Variants in ZSCAN1 observed in about 807,000 individuals in gnomAD.
ZSCAN1 encodes the protein zinc finger and SCAN domain containing 1, also known as zinc finger and SCAN domain-containing protein 1.
In ZSCAN1, 23 loss-of-function variants were observed where a neutral mutation model predicts 23.8. The ratio of observed to expected loss-of-function variants is 0.97; its 90% CI spans 0.70 to 1.37. The LOEUF (loss-of-function observed/expected upper bound fraction) is 1.37. ZSCAN1 is among the 40% of genes most tolerant of loss of function. The pLI is 0.00. For synonymous variants in ZSCAN1, 236 were observed against 232.3 expected (o/e 1.02, Z -0.15); for missense variants, 575 against 554.0 (o/e 1.04, Z -0.38).
At chr19:58,035,824 CAG>C (rs774415605) in intron 1 of ZSCAN1, 144 bp from the exon 2 acceptor site, 1 of 152,168 alleles carries the variant, frequency 6.6e-6, no homozygotes, top group African/African-American at 2.4e-5. Flanking sequence ...ACGAGAACTG[CAG>C]AGTGTATGAA....
chr19:58,056,151 C>G (rs1411057461), downstream of ZSCAN1, among the ~76,000 whole-genome samples: 1 of 152,200 alleles, frequency 6.6e-6, no homozygotes, highest in South Asian at 2.1e-4. Context: ...GCCTCCAGCC[C>G]GTTCCCTCTG....
rs991028683 is a variant in ZSCAN1 at position 58,040,982 on chromosome 19, C to T, written c.465+438C>T. 2.0e-5 allele frequency among the ~76,000 whole-genome samples: 3 copies of T among 152,204 alleles called. No homozygotes were observed. The highest frequency in any genetic ancestry group is 3.4e-3 in the Middle Eastern group (1 of 294). On this transcript the variant is annotated intron_variant, in intron 4 of 5. Coordinates refer to ENST00000282326, the MANE Select transcript of ZSCAN1 (RefSeq NM_182572.4). This position sits in a 1 kb window ranked among gnomAD's most constrained non-coding sequence, Gnocchi z 5.8. ...TGCTGTTGCGCAGGCCTCAAGGCGACGGGAGGGGCCCGGCTCGGTTGGGAG... is the reference window on the plus strand; with the variant it reads ...TGCTGTTGCGCAGGCCTCAAGGCGATGGGAGGGGCCCGGCTCGGTTGGGAG...
chr19:58,053,804 A>G lies in ZSCAN1; in HGVS notation c.980A>G (p.Lys327Arg). The G allele has an allele frequency of 6.2e-7, 1 of 1,614,080 alleles. No homozygotes were observed. The highest frequency in any genetic ancestry group is 8.5e-7 in the Non-Finnish European group (1 of 1,180,008). Residue 327 changes from lysine (K) to arginine (R), a missense_variant, in exon 6 of 6, where the codon AAG (lysine) becomes AGG (arginine). Transcript: ENST00000282326. This position sits in a 1 kb window ranked among gnomAD's most constrained non-coding sequence, Gnocchi z 5.8. Reference protein sequence around the residue: ...EGPFPCPECGKVFLHNSVLTE... With the variant: ...EGPFPCPECGRVFLHNSVLTE... ...CCCTTTCCGTGCCCCGAGTGTGGCAAGGTCTTCCTGCACAACTCCGTCCTC... is the reference window on the plus strand; with the variant it reads ...CCCTTTCCGTGCCCCGAGTGTGGCAGGGTCTTCCTGCACAACTCCGTCCTC...
chr19:58,051,125 T>C (rs2123442290), intron 4 of ZSCAN1, among the ~76,000 whole-genome samples: 1 of 152,134 alleles, frequency 6.6e-6, no homozygotes, highest in African/African-American at 2.4e-5. Context: ...CATGCCCCTC[T>C]CTCCACACAT....
Position 58,052,585 on chromosome 19 carries a change from C to A in ZSCAN1, c.561C>A (p.His187Gln). The part of the protein sequence containing the change: ...LETTQLQQSL[H>Q]TRAEAEAPRA... ...CTACCCAGCTCCAGCAGAGTCTGCA[C>A]ACCAGGGCGGAGGCCGAAGCGCCCC... Residue 187 changes from histidine to glutamine, a missense_variant, in exon 5 of 6, where the codon CAC becomes CAA. Physicochemically the swap from His to Gln is conservative, Grantham distance 24. Transcript: ENST00000282326. 1.2e-5 allele frequency: 20 copies of A among 1,613,572 alleles called. No individual in the cohort carries two copies. Among genetic ancestry groups the A allele is most frequent in the Non-Finnish European group, 1.7e-5 (20 of 1,179,792 alleles).
chr19:58,046,177 G>A (rs533549377), intron 4 of ZSCAN1: 4 of 744,538 alleles, frequency 5.4e-6, no homozygotes, highest in South Asian at 4.4e-5. Context: ...GAAGGAGGAA[G>A]AGATGACTAA....
intron 4 of ZSCAN1, among the ~76,000 whole-genome samples, chr19:58,043,073 C>T (rs1031571768): frequency 6.6e-6 from 1 of 152,270 alleles, no homozygotes; most frequent in African/African-American, 2.4e-5. Context: ...GCTAACACTG[C>T]CTGAGGCACC....
Position 58,053,519 on chromosome 19 carries a change from G to A in ZSCAN1, c.695G>A (p.Gly232Glu), listed in dbSNP as rs769617673. Residue 232 changes from glycine to glutamate, a missense_variant, in exon 6 of 6, where the codon GGG (glycine) becomes GAG (glutamate). By Grantham distance (98) the Gly-to-Glu change is moderately conservative. Coordinates refer to ENST00000282326, the MANE Select transcript of ZSCAN1 (RefSeq NM_182572.4). The surrounding 1 kb of genome is among the most constrained non-coding windows in gnomAD (Gnocchi z 5.8). Reference sequence around the variant, plus strand: ...CCCTCCTCAGACCTGCGGGCAGAAGGGACTGTGATCTCGAGCCCCAAGGGT... The same window carrying A: ...CCCTCCTCAGACCTGCGGGCAGAAGAGACTGTGATCTCGAGCCCCAAGGGT... ...AGPSSDLRAE[G>E]TVISSPKGPS... The A allele has an allele frequency of 1.2e-5, 20 of 1,614,020 alleles. No individual in the cohort carries two copies. The East Asian group carries it at 2.5e-4, about 20-fold the overall frequency.
Position 58,042,969 on chromosome 19 carries a change from C to G in ZSCAN1, c.465+2425C>G, listed in dbSNP as rs528398364. On this transcript the variant is annotated intron_variant, in intron 4 of 5. Transcript: ENST00000282326. ...GAGCTGCACTTGTGGAGGGAGAGGC[C>G]TTAGGCCTGAGGCCTGGCGCCCGCG... 3.3e-3 allele frequency among the ~76,000 whole-genome samples: 502 copies of G among 152,370 alleles called. 3 individuals carry two copies. The highest frequency in any genetic ancestry group is 0.011 in the African/African-American group (467 of 41,586).
rs1599909398 is a variant in ZSCAN1, at chr19:58,052,359, A to G, written c.466-131A>G. The G allele has an allele frequency of 1.3e-4, 182 of 1,442,320 alleles. 1 individual carries two copies. In the South Asian group the frequency reaches 2.3e-3, roughly 18 times the overall value. The allele number at this position is 1,442,320 out of a possible 1,614,324, so 89.3% of individuals were successfully genotyped here. ...CAGCATCCCAAAGCACGGGAACAAC[A>G]GGCGCGACACCGCGCACTGCCCTGG... On this transcript the variant is annotated intron_variant, in intron 4 of 5. Transcript: ENST00000282326.
chr19:58,056,013 C>T (rs2073887862), downstream of ZSCAN1, among the ~76,000 whole-genome samples: 1 of 152,226 alleles, frequency 6.6e-6, no homozygotes, highest in African/African-American at 2.4e-5. Flanking sequence ...CAAGGCCCCA[C>T]AAGGATTTTT....
chr19:58,054,910 T>C (rs2073881922), downstream of ZSCAN1, among the ~76,000 whole-genome samples: 8 of 152,196 alleles, frequency 5.3e-5, no homozygotes, highest in Admixed American at 5.2e-4. The surrounding 1 kb of genome is among the most constrained non-coding windows in gnomAD (Gnocchi z 4.2). Flanking sequence ...CTTTCTGGTC[T>C]GCCAGGAAGG....
chr19:58,047,337 T>C lies in ZSCAN1; in HGVS notation c.466-5153T>C, dbSNP rs2073832606. On this transcript the variant is annotated intron_variant, in intron 4 of 5. Transcript: ENST00000282326. This position sits in a 1 kb window ranked among gnomAD's most constrained non-coding sequence, Gnocchi z 4.9. ...TGCCATCTCTGTGGCCTCTGGAGAG[T>C]GACGTCTCCCTGCTGGCAGGGCCGG... is the stretch of plus-strand genomic sequence containing the variant. Among the ~76,000 whole-genome samples, 1 of 152,090 alleles carries C rather than the reference T, an allele frequency of 6.6e-6. No homozygotes were observed. Among genetic ancestry groups the C allele is most frequent in the African/African-American group, 2.4e-5 (1 of 41,396 alleles).
chr19:58,053,556 G>A lies in ZSCAN1; in HGVS notation c.732G>A (p.Gln244=). The A allele has an allele frequency of 1.9e-6, 3 of 1,614,210 alleles. No homozygotes were observed. Among genetic ancestry groups the A allele is most frequent in the South Asian group, 1.1e-5 (1 of 91,082 alleles). Residue 244 remains glutamine, a synonymous_variant, in exon 6 of 6, where the codon CAG becomes CAA. Transcript: ENST00000282326. The surrounding 1 kb of genome is among the most constrained non-coding windows in gnomAD (Gnocchi z 5.8). ...CGAGCCCCAAGGGTCCAAGTGCTCAGAGAATCAGTCCCCGAAGGAGAAACA... is the reference window on the plus strand; with the variant it reads ...CGAGCCCCAAGGGTCCAAGTGCTCAAAGAATCAGTCCCCGAAGGAGAAACA... ...VISSPKGPSA[Q]RISPRRRNRN...
At chr19:58,038,307 C>T in intron 3 of ZSCAN1, 101 bp downstream of exon 3, 1 of 1,450,714 alleles carries the variant, frequency 6.9e-7, no homozygotes, top group Non-Finnish European at 9.2e-7. Flanking sequence ...CCACCCCTGC[C>T]CGGCCCCTCC....
At position 58,037,924 on chromosome 19, in the gene ZSCAN1, A is replaced by C. The variant is rs1568601222; in HGVS notation, c.88A>C (p.Ser30Arg). The C allele has an allele frequency of 6.2e-7, 1 of 1,600,862 alleles. No individual in the cohort carries two copies. Among genetic ancestry groups the C allele is most frequent in the Non-Finnish European group, 8.5e-7 (1 of 1,178,514 alleles). Residue 30 changes from serine (S) to arginine (R), a missense_variant, in exon 3 of 6, where the codon AGC (serine) becomes CGC (arginine). Ser to Arg is a moderately radical substitution (Grantham distance 110). Coordinates refer to ENST00000282326, the MANE Select transcript of ZSCAN1 (RefSeq NM_182572.4). ...GCAGGACGCAGACCCTGGGCCAGCA[A>C]GCCCCAGGGACACCGAAGCCCAGCG... ...SEQDADPGPA[S>R]PRDTEAQRLR...
At chr19:58,043,639 T>C (rs1015976224) in intron 4 of ZSCAN1, among the ~76,000 whole-genome samples, 4 of 149,632 alleles carry the variant, frequency 2.7e-5, no homozygotes, top group African/African-American at 7.3e-5. Context: ...TTACTGTAAG[T>C]TTTTGCTTTA....
At position 58,049,541 on chromosome 19, in the gene ZSCAN1, G is replaced by C. The variant is rs181253336; in HGVS notation, c.466-2949G>C. Among the ~76,000 whole-genome samples the C allele has an allele frequency of 1.3e-3, 191 of 152,318 alleles. 1 individual carries two copies. The highest frequency in any genetic ancestry group is 4.4e-3 in the African/African-American group (184 of 41,576). ...TTGGATTTCAAATGGTGGTGGAAGA[G>C]AGTCATTATAATTTTACGAGATCAC... On this transcript the variant is annotated intron_variant, in intron 4 of 5. Coordinates refer to ENST00000282326, the MANE Select transcript of ZSCAN1 (RefSeq NM_182572.4). This position sits in a 1 kb window ranked among gnomAD's most constrained non-coding sequence, Gnocchi z 4.5.
Position 58,047,760 on chromosome 19 carries a change from G to A in ZSCAN1, c.466-4730G>A, listed in dbSNP as rs2073835311. ...CTTTAACAAGCAGGCTGGTCACCGA[G>A]GCACGAAGACGAGGCACAGGGCATC... On this transcript the variant is annotated intron_variant, in intron 4 of 5. Coordinates refer to ENST00000282326, the MANE Select transcript of ZSCAN1 (RefSeq NM_182572.4). This position sits in a 1 kb window ranked among gnomAD's most constrained non-coding sequence, Gnocchi z 4.9. Among the ~76,000 whole-genome samples the A allele has an allele frequency of 6.6e-6, 1 of 152,224 alleles. No individual in the cohort carries two copies. Among genetic ancestry groups the A allele is most frequent in the Non-Finnish European group, 1.5e-5 (1 of 68,040 alleles).
Sources: allele counts gnomAD v4.1 joint callset (sites outside exome capture counted in the v4.1 genomes callset), GRCh38; gene constraint gnomAD v4.1.1; non-coding constraint Gnocchi (gnomAD v3.1); transcripts MANE v1.5; gene names NCBI Gene and HGNC (gene_info 2026-07-23, HGNC 2026-07-21).